The following GRXCR2 variants were observed in gnomAD, a reference collection of about 807,000 sequenced individuals.
The protein encoded by GRXCR2 is glutaredoxin and cysteine rich domain containing 2.
Under a neutral mutation model 24.8 loss-of-function variants are expected in GRXCR2, and 23 were observed. The observed-to-expected ratio is 0.93, with a 90% confidence interval of 0.67 to 1.32. The LOEUF is 1.32. Among genes scored for constraint, GRXCR2 ranks in the 40% most tolerant of loss-of-function variants. The probability of loss-of-function intolerance (pLI) is 0.00; values close to 1 mark genes in which losing one functional copy is unlikely to be tolerated. For synonymous variants in GRXCR2, 130 were observed against 116.1 expected (o/e 1.12, Z -0.77); for missense variants, 315 against 303.4 (o/e 1.04, Z -0.28).
At chr5:145,889,212 G>A in intron 2 of GRXCR2, among the ~76,000 whole-genome samples, 1 of 149,734 alleles carries the variant, frequency 6.7e-6, no homozygotes, top group South Asian at 2.2e-4. Flanking sequence ...AAGAAAGAAA[G>A]AAAGAAAGAA....
chr5:145,889,823 C>T (rs1219104508), intron 2 of GRXCR2, among the ~76,000 whole-genome samples: 2 of 152,078 alleles, frequency 1.3e-5, no homozygotes, highest in Non-Finnish European at 2.9e-5. Flanking sequence ...CAGAAAGAAA[C>T]TTCCAAAGCA....
At chr5:145,928,648 A>G (rs1052824022) in intron 2 of GRXCR2, among the ~76,000 whole-genome samples, 1 of 151,752 alleles carries the variant, frequency 6.6e-6, no homozygotes, top group Non-Finnish European at 1.5e-5. Context: ...AAACTATCGC[A>G]AGGACAAAAA....
chr5:145,912,428 T>C (rs1327575708), intron 2 of GRXCR2, among the ~76,000 whole-genome samples: 1 of 152,100 alleles, frequency 6.6e-6, no homozygotes, highest in Non-Finnish European at 1.5e-5. Flanking sequence ...ACCCCTGTTA[T>C]ATGCCAGCCA....
intron 2 of GRXCR2, among the ~76,000 whole-genome samples, chr5:145,923,165 G>A (rs899783480): frequency 6.6e-6 from 1 of 152,212 alleles, no homozygotes; most frequent in Non-Finnish European, 1.5e-5. Flanking sequence ...AAGTCTGGAT[G>A]GGGCCTATGC....
chr5:145,924,618 A>G (rs181419755), intron 2 of GRXCR2, among the ~76,000 whole-genome samples: 27 of 152,332 alleles, frequency 1.8e-4, no homozygotes, highest in Non-Finnish European at 3.5e-4. Context: ...AAATGGGATG[A>G]CACGAAGATT....
chr5:145,911,214 G>A (rs188428390), intron 2 of GRXCR2, among the ~76,000 whole-genome samples: 35 of 152,222 alleles, frequency 2.3e-4, no homozygotes, highest in Admixed American at 1.6e-3. Context: ...AACTAGTTTG[G>A]TCAAACTCTG....
intron 1 of GRXCR2, among the ~76,000 whole-genome samples, chr5:145,867,357 C>T (rs1183307754): frequency 6.6e-6 from 1 of 152,118 alleles, no homozygotes; most frequent in Non-Finnish European, 1.5e-5. Context: ...ACCCTAAAGC[C>T]CATATTTTTA....
At chr5:145,860,853 G>T (rs1397332490) in intron 2 of GRXCR2, among the ~76,000 whole-genome samples, 2 of 152,016 alleles carry the variant, frequency 1.3e-5, no homozygotes, top group African/African-American at 2.4e-5. Context: ...TATATGTAAT[G>T]CAATATTATC....
At chr5:145,897,261 A>G (rs1038326342) in intron 2 of GRXCR2, among the ~76,000 whole-genome samples, 4 of 151,602 alleles carry the variant, frequency 2.6e-5, no homozygotes, top group Admixed American at 2.6e-4. Context: ...ATACATACAT[A>G]CATACATACA....
chr5:145,899,571 A>C (rs962982528), intron 2 of GRXCR2, among the ~76,000 whole-genome samples: 2 of 152,168 alleles, frequency 1.3e-5, no homozygotes, highest in Non-Finnish European at 2.9e-5. Context: ...ACATAAACCT[A>C]TGGAACAAAA....
chr5:145,894,162 A>G (rs1319505611), intron 2 of GRXCR2, among the ~76,000 whole-genome samples: 1 of 152,198 alleles, frequency 6.6e-6, no homozygotes, highest in Non-Finnish European at 1.5e-5. Context: ...ATAGCACTCA[A>G]TGCCCACAAG....
upstream of GRXCR2, among the ~76,000 whole-genome samples, chr5:145,876,026 G>C (rs1756607781): frequency 6.6e-6 from 1 of 151,482 alleles, no homozygotes. Flanking sequence ...AATTATCTGG[G>C]CATGGTGGTG....
chr5:145,893,006 C>A (rs1226450505), intron 2 of GRXCR2, among the ~76,000 whole-genome samples: 1 of 152,122 alleles, frequency 6.6e-6, no homozygotes, highest in Non-Finnish European at 1.5e-5. Context: ...GAATTTTCAA[C>A]CCACAATTTC....
intron 2 of GRXCR2, among the ~76,000 whole-genome samples, chr5:145,913,767 T>C (rs1264883179): frequency 1.3e-5 from 2 of 152,114 alleles, no homozygotes; most frequent in Non-Finnish European, 1.5e-5. Context: ...AAGTGATCCG[T>C]CTGCTTCAGC....
intron 2 of GRXCR2, among the ~76,000 whole-genome samples, chr5:145,863,672 A>G (rs767917100): frequency 6.6e-6 from 1 of 152,116 alleles, no homozygotes; most frequent in Non-Finnish European, 1.5e-5. Flanking sequence ...TTTTTTAAAA[A>G]TTTTTTTGTA....
At chr5:145,931,527 A>G (rs1757477843) in intron 2 of GRXCR2, among the ~76,000 whole-genome samples, 1 of 152,180 alleles carries the variant, frequency 6.6e-6, no homozygotes, top group African/African-American at 2.4e-5. Flanking sequence ...TGGAGAGGAA[A>G]TCTCACATCT....
chr5:145,927,606 T>C lies in GRXCR2; in HGVS notation c.-70+8095A>G, dbSNP rs151213597. On this transcript the variant is annotated intron_variant, in intron 2 of 3. Coordinates refer to the GRXCR2 transcript ENST00000639411. ...GCTTGATCATGGTAGATAAGCTTTT[T>C]GATGTGCTGTTGGATTCGGTTTGGC... 8.7e-3 allele frequency among the ~76,000 whole-genome samples: 1,321 copies of C among 152,338 alleles called. 23 individuals carry two copies. Among genetic ancestry groups the C allele is most frequent in the African/African-American group, 0.031 (1,270 of 41,576 alleles).
At chr5:145,877,420 G>T (rs576988339), upstream of GRXCR2, among the ~76,000 whole-genome samples, 2 of 151,344 alleles carry the variant, frequency 1.3e-5, no homozygotes, top group Middle Eastern at 3.4e-3. Flanking sequence ...TGCAATCTTG[G>T]CTCACTGCAA....
chr5:145,890,599 T>C (rs761859433), intron 2 of GRXCR2, among the ~76,000 whole-genome samples: 1 of 152,112 alleles, frequency 6.6e-6, no homozygotes, highest in Non-Finnish European at 1.5e-5. Flanking sequence ...ACTAGACCAG[T>C]CTTATAAGAG....
Sources: gnomAD v4.1 joint callset for allele counts (sites outside exome capture counted in the v4.1 genomes callset) on GRCh38, gnomAD v4.1.1 for gene constraint, MANE v1.5 for transcripts, NCBI Gene and HGNC (gene_info 2026-07-23, HGNC 2026-07-21) for gene names.